Variants in KAZN observed in about 807,000 individuals in gnomAD.
The protein encoded by KAZN is kazrin.
In KAZN, 40 loss-of-function variants were observed where a neutral mutation model predicts 87.4. That is an observed-to-expected ratio of 0.46 (90% CI 0.36 to 0.60). KAZN has a LOEUF of 0.60. Among genes scored for constraint, KAZN ranks in the 20% least tolerant of loss-of-function variants. KAZN has a pLI of 0.00. For synonymous variants in KAZN, 466 were observed against 458.3 expected, an observed-to-expected ratio of 1.02 and a Z score of -0.22; for missense variants, 898 against 1,073.9, an observed-to-expected ratio of 0.84 and a Z score of 2.29.
intron 1 of KAZN, among the ~76,000 whole-genome samples, chr1:14,045,812 A>G (rs1570604220): frequency 6.6e-6 from 1 of 152,330 alleles, no homozygotes; most frequent in East Asian, 1.9e-4. Flanking sequence ...AGGACTTAAC[A>G]TAGTACCTAT....
chr1:14,104,857 C>A (rs550287965), intron 1 of KAZN, among the ~76,000 whole-genome samples: 1 of 152,120 alleles, frequency 6.6e-6, no homozygotes, highest in South Asian at 2.1e-4. Context: ...TATCTACATC[C>A]GTTTTTCTTT....
At chr1:15,006,928 G>A (rs1054808545) in intron 2 of KAZN, among the ~76,000 whole-genome samples, 1 of 151,954 alleles carries the variant, frequency 6.6e-6, no homozygotes, top group Non-Finnish European at 1.5e-5. Context: ...ATGGTGGCGG[G>A]CACCTGTAGT....
intron 1 of KAZN, among the ~76,000 whole-genome samples, chr1:14,886,473 C>G (rs113814278): frequency 0.024 from 3,572 of 149,880 alleles, 117 homozygotes; most frequent in African/African-American, 0.084. Context: ...CAGAGAGAGA[C>G]AGAGAGAGAG....
At chr1:14,815,269 A>G (rs1452979517) in intron 1 of KAZN, among the ~76,000 whole-genome samples, 1 of 152,134 alleles carries the variant, frequency 6.6e-6, no homozygotes, top group Non-Finnish European at 1.5e-5. Context: ...GTGGAAGGGA[A>G]GTCAGGAAAT....
chr1:14,606,123 T>C (rs1677338099), intron 1 of KAZN, among the ~76,000 whole-genome samples: 1 of 152,230 alleles, frequency 6.6e-6, no homozygotes, highest in African/African-American at 2.4e-5. Context: ...TGTGTTCTTA[T>C]TCATTCCACT....
At chr1:14,071,030 C>A (rs1643228389) in intron 1 of KAZN, among the ~76,000 whole-genome samples, 1 of 152,102 alleles carries the variant, frequency 6.6e-6, no homozygotes, top group Non-Finnish European at 1.5e-5. Flanking sequence ...AATTCTCTTT[C>A]ACTGGGCTGA....
At chr1:14,128,531 A>G (rs934604409) in intron 1 of KAZN, among the ~76,000 whole-genome samples, 2 of 152,038 alleles carry the variant, frequency 1.3e-5, no homozygotes, top group Non-Finnish European at 2.9e-5. Flanking sequence ...GCCTCTTCAC[A>G]TGGCTGTTTC....
At chr1:14,556,377 G>A (rs1673876009) in intron 2 of KAZN, among the ~76,000 whole-genome samples, 1 of 152,112 alleles carries the variant, frequency 6.6e-6, no homozygotes, top group Non-Finnish European at 1.5e-5. Context: ...CCAAAGTGCT[G>A]GGATTACAGG....
intron 1 of KAZN, chr1:13,893,817 C>G: frequency 6.5e-7 from 1 of 1,537,086 alleles, no homozygotes; most frequent in Non-Finnish European, 8.8e-7. Context: ...TATCCCGGGT[C>G]CCCAAAAACA....
At chr1:14,580,002 AT>A (rs1675442312) in intron 2 of KAZN, among the ~76,000 whole-genome samples, 1 of 152,098 alleles carries the variant, frequency 6.6e-6, no homozygotes. Context: ...TGCTCATTTA[AT>A]TTCTGAGTAA....
chr1:13,941,612 T>G (rs539133715), intron 1 of KAZN, among the ~76,000 whole-genome samples: 1 of 152,350 alleles, frequency 6.6e-6, no homozygotes, highest in Admixed American at 6.5e-5. Flanking sequence ...TTCTGAAGTT[T>G]CAGCAGTAAG....
intron 2 of KAZN, among the ~76,000 whole-genome samples, chr1:14,572,582 G>T (rs1018758403): frequency 6.6e-6 from 1 of 152,190 alleles, no homozygotes; most frequent in Non-Finnish European, 1.5e-5. Context: ...ACAGTTTGCC[G>T]GCTGGCTTCT....
At chr1:14,463,025 C>T (rs1026554647) in intron 2 of KAZN, among the ~76,000 whole-genome samples, 2 of 152,122 alleles carry the variant, frequency 1.3e-5, no homozygotes, top group African/African-American at 4.8e-5. Context: ...AGGCAGTGGG[C>T]CCAGGATTGG....
intron 2 of KAZN, among the ~76,000 whole-genome samples, chr1:14,288,425 G>A (rs889431680): frequency 2.4e-4 from 36 of 152,138 alleles, no homozygotes; most frequent in African/African-American, 8.4e-4. Flanking sequence ...ATGTGTCCAC[G>A]AATTTATCCA....
chr1:15,067,055 G>T (rs1440300142), intron 8 of KAZN: 1 of 985,720 alleles, frequency 1.0e-6, no homozygotes. Flanking sequence ...TGGGACCCTG[G>T]CCTGAGTCTG....
At chr1:14,025,980 A>G (rs927792478) in intron 1 of KAZN, among the ~76,000 whole-genome samples, 2 of 152,098 alleles carry the variant, frequency 1.3e-5, no homozygotes, top group African/African-American at 4.8e-5. Context: ...ACTCTCCCGC[A>G]CTTCCTTTTC....
At chr1:14,943,094 T>G (rs1257863658) in intron 1 of KAZN, among the ~76,000 whole-genome samples, 1 of 149,908 alleles carries the variant, frequency 6.7e-6, no homozygotes, top group Non-Finnish European at 1.5e-5. Context: ...TTAATTTACA[T>G]TTTTCGAATA....
chr1:14,181,568 T>G (rs1646199281), intron 2 of KAZN, among the ~76,000 whole-genome samples: 1 of 152,198 alleles, frequency 6.6e-6, no homozygotes. Flanking sequence ...TGTCAATGCC[T>G]GAAGCCGCCC....
At chr1:14,413,001 AATAT>A (rs922861794) in intron 2 of KAZN, among the ~76,000 whole-genome samples, 214 of 148,500 alleles carry the variant, frequency 1.4e-3, no homozygotes, top group Non-Finnish European at 2.3e-3. Flanking sequence ...CACATATATA[AATAT>A]ATATAATAAG....
Sources: gnomAD v4.1 joint callset for allele counts (sites outside exome capture counted in the v4.1 genomes callset) on GRCh38, gnomAD v4.1.1 for gene constraint, MANE v1.5 for transcripts, NCBI Gene and HGNC (gene_info 2026-07-23, HGNC 2026-07-21) for gene names.